Variants in LRP1B observed in about 807,000 individuals in gnomAD.
LRP1B encodes low-density lipoprotein receptor-related protein 1B.
Under a neutral mutation model 556.6 loss-of-function variants are expected in LRP1B, and 217 were observed. That is an observed-to-expected ratio of 0.39 (90% CI 0.35 to 0.44). The LOEUF (loss-of-function observed/expected upper bound fraction) is 0.44, where lower values mean the gene tolerates loss of function less well. Among genes scored for constraint, LRP1B ranks in the 20% least tolerant of loss-of-function variants. LRP1B has a pLI of 1.00. For synonymous variants in LRP1B, 2,047 were observed against 1,865.8 expected (o/e 1.10, Z -2.50); for missense variants, 5,053 against 5,620.8 (o/e 0.90, Z 3.23).
At chr2:141,725,319 A>C (rs1384878016) in intron 2 of LRP1B, among the ~76,000 whole-genome samples, 1 of 151,950 alleles carries the variant, frequency 6.6e-6, no homozygotes, top group African/African-American at 2.4e-5. Context: ...TTCAAATTTG[A>C]GGAGAAATCT....
At chr2:142,116,192 CAAA>C (rs70994477) in intron 1 of LRP1B, among the ~76,000 whole-genome samples, 4 of 65,454 alleles carry the variant, frequency 6.1e-5, no homozygotes, top group African/African-American at 2.0e-4. Flanking sequence ...GAGTCTGTCT[CAAA>C]AAAAAAAAAA....
intron 77 of LRP1B, among the ~76,000 whole-genome samples, chr2:140,348,583 C>T (rs1159497508): frequency 6.6e-6 from 1 of 151,836 alleles, no homozygotes; most frequent in Non-Finnish European, 1.5e-5. Context: ...AAAACAAAAG[C>T]AAAACACAGG....
chr2:141,425,524 A>C (rs1207995076), intron 3 of LRP1B, among the ~76,000 whole-genome samples: 12 of 150,708 alleles, frequency 8.0e-5, no homozygotes, highest in East Asian at 2.0e-4. Flanking sequence ...GAACTAGTTT[A>C]CAGTCCCACC....
intron 3 of LRP1B, among the ~76,000 whole-genome samples, chr2:141,414,790 C>T (rs1450729348): frequency 3.3e-5 from 5 of 152,160 alleles, no homozygotes; most frequent in Admixed American, 2.6e-4. Flanking sequence ...GTCTTCTTGT[C>T]GTTGTTGTAG....
At chr2:141,069,599 T>G (rs1699578684) in intron 7 of LRP1B, among the ~76,000 whole-genome samples, 2 of 152,004 alleles carry the variant, frequency 1.3e-5, no homozygotes, top group Admixed American at 6.6e-5. Context: ...AAAGAACCAC[T>G]TGGTTTATGC....
intron 29 of LRP1B, among the ~76,000 whole-genome samples, chr2:140,847,498 G>A: frequency 6.6e-6 from 1 of 152,116 alleles, no homozygotes. Context: ...GCTGGGCGCA[G>A]TGGTTCACGC....
intron 84 of LRP1B, among the ~76,000 whole-genome samples, chr2:140,285,382 C>CATAT (rs1194894606): frequency 6.8e-6 from 1 of 146,814 alleles, no homozygotes; most frequent in South Asian, 2.1e-4. Context: ...TATATACACA[C>CATAT]ATATATATAT....
chr2:142,036,619 T>A (rs1411923919), intron 1 of LRP1B, among the ~76,000 whole-genome samples: 5 of 151,720 alleles, frequency 3.3e-5, no homozygotes, highest in Admixed American at 2.6e-4. Flanking sequence ...TCTTATAAAT[T>A]AAAACCTGTT....
intron 1 of LRP1B, among the ~76,000 whole-genome samples, chr2:141,866,212 A>C (rs1276462636): frequency 6.6e-6 from 1 of 152,198 alleles, no homozygotes; most frequent in African/African-American, 2.4e-5. Flanking sequence ...ATTATGTAGA[A>C]TACTGTGCTG....
chr2:140,560,881 T>C, intron 43 of LRP1B, among the ~76,000 whole-genome samples: 1 of 152,170 alleles, frequency 6.6e-6, no homozygotes, highest in Non-Finnish European at 1.5e-5. Context: ...TGCTCTTCAA[T>C]AAATGAAGTT....
At chr2:141,407,920 A>G (rs1690700382) in intron 3 of LRP1B, among the ~76,000 whole-genome samples, 1 of 152,166 alleles carries the variant, frequency 6.6e-6, no homozygotes, top group Non-Finnish European at 1.5e-5. Context: ...TATTGAAAGC[A>G]TATCACAGGA....
intron 77 of LRP1B, among the ~76,000 whole-genome samples, chr2:140,344,024 G>A (rs1457808134): frequency 2.0e-5 from 3 of 151,714 alleles, no homozygotes; most frequent in Non-Finnish European, 1.5e-5. Flanking sequence ...TGCGATGATG[G>A]TCAGAACTTG....
chr2:140,986,860 A>G (rs1696941545), intron 17 of LRP1B, among the ~76,000 whole-genome samples: 3 of 152,198 alleles, frequency 2.0e-5, no homozygotes, highest in Non-Finnish European at 4.4e-5. Context: ...AAAAATAGGA[A>G]ATTGGCTTAT....
intron 2 of LRP1B, among the ~76,000 whole-genome samples, chr2:141,662,950 CA>C (rs1168250809): frequency 2.2e-5 from 3 of 138,032 alleles, no homozygotes; most frequent in Non-Finnish European, 3.2e-5. Context: ...TCAGCAAATG[CA>C]AAAAAAATAA....
At position 140,835,934 on chromosome 2, in the gene LRP1B, A is replaced by G. The variant is rs114101782; in HGVS notation, c.5209+4057T>C. Reference sequence around the variant, plus strand: ...CCTTTTTTGTCCTGTTAATCTGCCTATTGTTAATTTACTTCAGCAGACTTA... The same window carrying G: ...CCTTTTTTGTCCTGTTAATCTGCCTGTTGTTAATTTACTTCAGCAGACTTA... On this transcript the variant is annotated intron_variant, in intron 31 of 90. Coordinates refer to ENST00000389484, the MANE Select transcript of LRP1B (RefSeq NM_018557.3). Among the ~76,000 whole-genome samples, 675 of 152,246 alleles carry G rather than the reference A, an allele frequency of 4.4e-3. 9 individuals carry two copies. Among genetic ancestry groups the G allele is most frequent in the African/African-American group, 0.015 (614 of 41,532 alleles).
At chr2:141,544,357 TC>T (rs1350666919) in intron 2 of LRP1B, among the ~76,000 whole-genome samples, 368 of 104,234 alleles carry the variant, frequency 3.5e-3, no homozygotes, top group Middle Eastern at 0.015. Flanking sequence ...TTCTTCTTCT[TC>T]TTCTTCTTCT....
chr2:140,799,613 T>C (rs1265038744), intron 32 of LRP1B, among the ~76,000 whole-genome samples: 2 of 152,322 alleles, frequency 1.3e-5, no homozygotes, highest in Non-Finnish European at 2.9e-5. Context: ...CAGATGTAGA[T>C]TTTTCCCCAG....
At chr2:141,410,650 G>C (rs1229871642) in intron 3 of LRP1B, among the ~76,000 whole-genome samples, 3 of 151,836 alleles carry the variant, frequency 2.0e-5, no homozygotes, top group Non-Finnish European at 2.9e-5. Flanking sequence ...TTCAAGGAAT[G>C]GTGTTTTTTA....
Position 141,537,830 on chromosome 2 carries a change from T to G in LRP1B, c.206-57297A>C, listed in dbSNP as rs540629944. Among the ~76,000 whole-genome samples the G allele has an allele frequency of 1.6e-4, 24 of 152,182 alleles. 1 individual carries two copies. The highest frequency in any genetic ancestry group is 5.5e-4 in the African/African-American group (23 of 41,536). ...CATTTATCTAGAGTGGGGAGCGGGA[T>G]TGTGCTAATAGATAAGACAGGCTTC... On this transcript the variant is annotated intron_variant, in intron 2 of 90. Transcript: ENST00000389484.
Sources: gnomAD v4.1 joint callset for allele counts (sites outside exome capture counted in the v4.1 genomes callset) on GRCh38, gnomAD v4.1.1 for gene constraint, MANE v1.5 for transcripts, NCBI Gene and HGNC (gene_info 2026-07-23, HGNC 2026-07-21) for gene names.